PPP3CB: variants seen among roughly 807,000 people sequenced by gnomAD.
PPP3CB encodes the protein protein phosphatase 3 catalytic subunit beta.
A neutral mutation model predicts 66.4 loss-of-function variants in PPP3CB; 8 were observed. That is an observed-to-expected ratio of 0.12 (90% CI 0.07 to 0.22). The LOEUF (loss-of-function observed/expected upper bound fraction) is 0.22, where lower values mean the gene tolerates loss of function less well. Ranked by LOEUF, PPP3CB falls within the 10% of genes least tolerant of loss-of-function variation. The pLI is 1.00. For missense variants in PPP3CB, 319 were observed against 642.5 expected (o/e 0.50, Z 5.44); for synonymous variants, 208 against 221.2 (o/e 0.94, Z 0.53).
intron 8 of PPP3CB, 103 bp from the exon 9 acceptor site, chr10:73,467,781 G>T: frequency 9.2e-7 from 1 of 1,081,284 alleles, no homozygotes. Context: ...TTAAGAGGAA[G>T]GGAGATCGGG....
At chr10:73,470,622 A>G (rs932083987) in intron 8 of PPP3CB, 65 bp downstream of exon 8, 47 of 994,272 alleles carry the variant, frequency 4.7e-5, no homozygotes, top group Non-Finnish European at 6.5e-5. Context: ...CTTTTTTATT[A>G]TATTAAAAAA....
At chr10:73,491,022 GTTTTTTTTTTTTT>G (rs528238766) in intron 1 of PPP3CB, among the ~76,000 whole-genome samples, 2,255 of 40,926 alleles carry the variant, frequency 0.055, 81 homozygotes, top group Middle Eastern at 0.16. Context: ...TGTTTTTATT[GTTTTTTTTTTTTT>G]TTTTTTTTTT....
At chr10:73,493,338 T>G (rs569124264) in intron 1 of PPP3CB, among the ~76,000 whole-genome samples, 17 of 151,382 alleles carry the variant, frequency 1.1e-4, no homozygotes, top group Non-Finnish European at 2.2e-4. Context: ...ACAGACAGTC[T>G]CCATAATATC....
At chr10:73,460,207 A>G (rs1184932395) in intron 9 of PPP3CB, among the ~76,000 whole-genome samples, 1 of 151,204 alleles carries the variant, frequency 6.6e-6, no homozygotes, top group Non-Finnish European at 1.5e-5. Context: ...TCGTAGCTTT[A>G]AAGTATACAT....
intron 10 of PPP3CB, chr10:73,448,572 G>C: frequency 1.9e-6 from 1 of 527,582 alleles, no homozygotes; most frequent in Non-Finnish European, 3.9e-6. Context: ...ACTCTGCATA[G>C]ACATTACTCA....
At chr10:73,453,650 G>C (rs1298396827) in intron 10 of PPP3CB, among the ~76,000 whole-genome samples, 1 of 152,110 alleles carries the variant, frequency 6.6e-6, no homozygotes, top group African/African-American at 2.4e-5. Flanking sequence ...CGGAAACATT[G>C]AAATATTGAT....
intron 1 of PPP3CB, among the ~76,000 whole-genome samples, chr10:73,493,707 T>A (rs764191279): frequency 6.6e-6 from 1 of 152,216 alleles, no homozygotes; most frequent in Non-Finnish European, 1.5e-5. Context: ...GTTGTCTCTA[T>A]GAAGAGGGCA....
intron 12 of PPP3CB, among the ~76,000 whole-genome samples, chr10:73,442,681 G>A (rs1034407551): frequency 4.6e-5 from 7 of 150,598 alleles, no homozygotes; most frequent in Admixed American, 3.3e-4. Flanking sequence ...GAAAAATGGA[G>A]GGCAAGGAAT....
intron 1 of PPP3CB, among the ~76,000 whole-genome samples, chr10:73,493,023 C>T (rs965021197): frequency 7.2e-5 from 11 of 152,064 alleles, no homozygotes; most frequent in African/African-American, 2.7e-4. Context: ...CGCCTGTAAT[C>T]CCAACACTTT....
chr10:73,480,450 T>C (rs1232407539), intron 1 of PPP3CB, among the ~76,000 whole-genome samples: 2 of 150,236 alleles, frequency 1.3e-5, no homozygotes, highest in Non-Finnish European at 3.0e-5. Context: ...ATTTTTTTTT[T>C]TTTTTTTTTT....
intron 12 of PPP3CB, among the ~76,000 whole-genome samples, chr10:73,440,205 G>A (rs1188440580): frequency 6.6e-6 from 1 of 152,098 alleles, no homozygotes; most frequent in Non-Finnish European, 1.5e-5. Context: ...TACCCATCTT[G>A]AATCAGTAAT....
intron 10 of PPP3CB, among the ~76,000 whole-genome samples, chr10:73,447,502 T>C (rs2056276242): frequency 6.6e-6 from 1 of 151,890 alleles, no homozygotes; most frequent in Non-Finnish European, 1.5e-5. Flanking sequence ...TTCAACACAA[T>C]GAAAACACAC....
In PPP3CB at chr10:73,454,129, G is replaced by A. The variant is rs554045371; in HGVS notation, c.1186+283C>T. 5.3e-5 allele frequency among the ~76,000 whole-genome samples: 8 copies of A among 152,188 alleles called. No homozygotes were observed. The South Asian group carries it at 1.7e-3, about 32-fold the overall frequency. The stretch of plus-strand genomic sequence containing the variant: ...TCTAACCAGTGTCCATATTTGCCAA[G>A]AACTACATCCTTTTAACACTTCAAT... On this transcript the variant is annotated intron_variant, in intron 10 of 13. Transcript: ENST00000360663.
chr10:73,488,219 G>A (rs2057018762), intron 1 of PPP3CB, among the ~76,000 whole-genome samples: 1 of 152,030 alleles, frequency 6.6e-6, no homozygotes, highest in South Asian at 2.1e-4. Flanking sequence ...CCAACACAAG[G>A]ACAATTTTCT....
intron 12 of PPP3CB, among the ~76,000 whole-genome samples, chr10:73,442,603 G>C (rs1450255184): frequency 6.6e-6 from 1 of 151,774 alleles, no homozygotes; most frequent in Non-Finnish European, 1.5e-5. Flanking sequence ...AAATGTTTAA[G>C]ATCTTGTTTT....
intron 9 of PPP3CB, among the ~76,000 whole-genome samples, chr10:73,459,204 A>G (rs1292455272): frequency 6.6e-6 from 1 of 151,548 alleles, no homozygotes; most frequent in East Asian, 2.0e-4. Flanking sequence ...AAATGAAAAC[A>G]TAGGCCGGGC....
chr10:73,446,015 G>A (rs1406724073), intron 11 of PPP3CB, among the ~76,000 whole-genome samples: 1 of 152,042 alleles, frequency 6.6e-6, no homozygotes, highest in Non-Finnish European at 1.5e-5. Context: ...CCAAAGTGCT[G>A]GGATTACAGG....
intron 1 of PPP3CB, among the ~76,000 whole-genome samples, chr10:73,493,201 A>G (rs140205392): frequency 0.044 from 6,635 of 151,250 alleles, 443 homozygotes; most frequent in African/African-American, 0.15. Flanking sequence ...GCTTGAACCC[A>G]GGAGGCAGAG....
intron 3 of PPP3CB, among the ~76,000 whole-genome samples, chr10:73,475,657 G>C (rs80301560): frequency 1.3e-5 from 2 of 152,040 alleles, no homozygotes; most frequent in Admixed American, 1.3e-4. Context: ...CTTACATATG[G>C]TAAGTGCTTA....
Sources: gnomAD v4.1 joint callset for allele counts (sites outside exome capture counted in the v4.1 genomes callset) on GRCh38, gnomAD v4.1.1 for gene constraint, MANE v1.5 for transcripts, NCBI Gene and HGNC (gene_info 2026-07-23, HGNC 2026-07-21) for gene names.